The following DGKB variants were observed in gnomAD, a reference collection of about 807,000 sequenced individuals.
The protein encoded by DGKB is diacylglycerol kinase beta.
A neutral mutation model predicts 114.3 loss-of-function variants in DGKB; 67 were observed. The observed-to-expected ratio is 0.59, with a 90% CI of 0.48 to 0.72. The LOEUF (loss-of-function observed/expected upper bound fraction) is 0.72. Ranked by LOEUF, DGKB falls within the 30% of genes least tolerant of loss-of-function variation. The pLI, the probability that DGKB is intolerant of heterozygous loss-of-function variation, is 0.00. For synonymous variants in DGKB, 398 were observed against 323.1 expected (o/e 1.23, Z -2.49); for missense variants, 907 against 975.2 (o/e 0.93, Z 0.93).
intron 25 of DGKB, among the ~76,000 whole-genome samples, chr7:14,161,313 G>A (rs560468384): frequency 6.6e-6 from 1 of 152,304 alleles, no homozygotes; most frequent in East Asian, 1.9e-4. Context: ...CCATTACTGG[G>A]TATATACCCA....
intron 2 of DGKB, among the ~76,000 whole-genome samples, chr7:14,836,541 C>T (rs1021353221): frequency 6.6e-5 from 10 of 152,116 alleles, no homozygotes; most frequent in Admixed American, 2.6e-4. Flanking sequence ...TTTGCTGTGA[C>T]GTGGAACCAC....
At chr7:14,178,000 A>G (rs1384099647) in intron 24 of DGKB, 31 bp downstream of exon 24, 12 of 1,518,262 alleles carry the variant, frequency 7.9e-6, no homozygotes, top group Admixed American at 2.4e-5. Flanking sequence ...GCCATATCAA[A>G]CGCCTTTGTC....
chr7:14,768,873 T>C (rs1412296792), intron 2 of DGKB, among the ~76,000 whole-genome samples: 2 of 151,990 alleles, frequency 1.3e-5, no homozygotes, highest in Non-Finnish European at 2.9e-5. Context: ...TTTCACAATC[T>C]ATGTTCTTAC....
chr7:14,801,458 C>G (rs939484461), intron 2 of DGKB, among the ~76,000 whole-genome samples: 2 of 152,080 alleles, frequency 1.3e-5, no homozygotes, highest in Non-Finnish European at 2.9e-5. Context: ...GAAGATGTTT[C>G]CATATGAGAC....
chr7:14,517,171 A>G, intron 20 of DGKB, among the ~76,000 whole-genome samples: 1 of 152,154 alleles, frequency 6.6e-6, no homozygotes, highest in Admixed American at 6.6e-5. Context: ...CAACCGTCTG[A>G]TCTTCAACAA....
At chr7:14,215,089 C>T (rs1562641814) in intron 23 of DGKB, among the ~76,000 whole-genome samples, 1 of 152,126 alleles carries the variant, frequency 6.6e-6, no homozygotes, top group East Asian at 1.9e-4. Context: ...CAGACAAAAG[C>T]ATGAACGCAA....
At chr7:14,277,910 T>A (rs1042450427) in intron 23 of DGKB, among the ~76,000 whole-genome samples, 2 of 152,230 alleles carry the variant, frequency 1.3e-5, no homozygotes, top group Admixed American at 6.5e-5. Context: ...GGTTCCGTTT[T>A]CTCCACATCC....
intron 2 of DGKB, among the ~76,000 whole-genome samples, chr7:14,794,319 G>A (rs1406746469): frequency 6.6e-6 from 1 of 152,100 alleles, no homozygotes; most frequent in Non-Finnish European, 1.5e-5. Context: ...AGTAAAGGGA[G>A]CACTGATAGA....
chr7:14,647,669 G>T (rs554726652), intron 13 of DGKB, among the ~76,000 whole-genome samples: 1 of 152,292 alleles, frequency 6.6e-6, no homozygotes, highest in East Asian at 1.9e-4. Context: ...AACAGCTCGG[G>T]TCTACAGCTC....
intron 13 of DGKB, among the ~76,000 whole-genome samples, chr7:14,637,269 G>C (rs1810922652): frequency 6.6e-6 from 1 of 151,834 alleles, no homozygotes; most frequent in Non-Finnish European, 1.5e-5. Flanking sequence ...CAAGCTTTCA[G>C]TGTTATTATA....
intron 21 of DGKB, among the ~76,000 whole-genome samples, chr7:14,417,575 A>T (rs948055919): frequency 3.9e-5 from 6 of 152,052 alleles, no homozygotes; most frequent in Admixed American, 6.6e-5. Context: ...ATTTAAAATG[A>T]TTAAAAATCA....
intron 16 of DGKB, among the ~76,000 whole-genome samples, chr7:14,609,549 T>C (rs1193673961): frequency 1.3e-5 from 2 of 152,084 alleles, no homozygotes; most frequent in East Asian, 3.9e-4. Flanking sequence ...ACAGAGCTTC[T>C]GCACAGCAAA....
chr7:14,235,924 A>G (rs1584632486), intron 23 of DGKB, among the ~76,000 whole-genome samples: 1 of 152,048 alleles, frequency 6.6e-6, no homozygotes, highest in South Asian at 2.1e-4. Flanking sequence ...GTGTGCACAT[A>G]TATGGACGCA....
rs1482982131 is a variant in DGKB, at chr7:14,619,026, T to C, written c.1284+2352A>G. Among the ~76,000 whole-genome samples, 4 of 151,600 alleles carry C rather than the reference T, an allele frequency of 2.6e-5. No homozygotes were observed. The Admixed American group carries it at 2.6e-4, about 10-fold the overall frequency. The stretch of plus-strand genomic sequence containing the variant: ...TTTTTCATTTTGCATATAATAGCTA[T>C]CCAGAACTTTATTCTTTTATTTTTT... On this transcript the variant is annotated intron_variant, in intron 15 of 25. Coordinates refer to ENST00000402815, the MANE Select transcript of DGKB (RefSeq NM_001350709.2).
At position 14,681,777 on chromosome 7, in the gene DGKB, A is replaced by T. The variant is rs574291888; in HGVS notation, c.1035+776T>A. On this transcript the variant is annotated intron_variant, in intron 12 of 25. Coordinates refer to ENST00000402815, the MANE Select transcript of DGKB (RefSeq NM_001350709.2). ...TCTAACAACTGCATTCATTCCAAAA[A>T]TTTTTTCAAGCTAGATTTGACAGTC... 7.2e-4 allele frequency among the ~76,000 whole-genome samples: 109 copies of T among 152,148 alleles called. 2 individuals carry two copies. The South Asian group carries it at 0.019, about 27-fold the overall frequency.
At chr7:14,381,677 T>C (rs1474724064) in intron 21 of DGKB, among the ~76,000 whole-genome samples, 3 of 152,118 alleles carry the variant, frequency 2.0e-5, no homozygotes, top group African/African-American at 4.8e-5. Context: ...GGCGTGATCA[T>C]ATTGAACTGC....
At chr7:14,846,068 A>G (rs1440879051) in intron 1 of DGKB, among the ~76,000 whole-genome samples, 1 of 152,178 alleles carries the variant, frequency 6.6e-6, no homozygotes, top group African/African-American at 2.4e-5. Context: ...ACTTTCTTTG[A>G]TTTAGCATGA....
At chr7:14,651,139 T>G (rs868653349) in intron 13 of DGKB, among the ~76,000 whole-genome samples, 4,534 of 152,140 alleles carry the variant, frequency 0.03, 72 homozygotes, top group South Asian at 0.038. Context: ...CCTCCCTAAC[T>G]CATTTGATGA....
At chr7:14,739,290 A>G (rs922473041) in intron 4 of DGKB, among the ~76,000 whole-genome samples, 3 of 152,220 alleles carry the variant, frequency 2.0e-5, no homozygotes, top group African/African-American at 7.2e-5. Flanking sequence ...ATTCTGTCCC[A>G]TAACACATGC....
Sources: gnomAD v4.1 joint callset for allele counts (sites outside exome capture counted in the v4.1 genomes callset) on GRCh38, gnomAD v4.1.1 for gene constraint, MANE v1.5 for transcripts, NCBI Gene and HGNC (gene_info 2026-07-23, HGNC 2026-07-21) for gene names.